The following SNTB1 variants were observed in gnomAD, a reference collection of about 807,000 sequenced individuals.
SNTB1 encodes the protein beta-1-syntrophin.
A neutral mutation model predicts 48.9 loss-of-function variants in SNTB1; 36 were observed. That is an observed-to-expected ratio of 0.74 (90% CI 0.56 to 0.97). SNTB1 has a LOEUF of 0.97. Among genes scored for constraint, SNTB1 ranks in the 50% least tolerant of loss-of-function variants. The pLI is 0.00. For missense variants in SNTB1, 786 were observed against 703.4 expected (o/e 1.12, Z -1.33); for synonymous variants, 299 against 294.6 (o/e 1.01, Z -0.15).
intron 3 of SNTB1, among the ~76,000 whole-genome samples, chr8:120,625,372 C>A (rs373863946): frequency 1.3e-5 from 2 of 152,312 alleles, no homozygotes; most frequent in South Asian, 4.1e-4. Flanking sequence ...TACACACCCC[C>A]CTGTCTTACA....
intron 1 of SNTB1, among the ~76,000 whole-genome samples, chr8:120,694,690 A>T (rs1313692160): frequency 1.3e-5 from 2 of 151,936 alleles, no homozygotes; most frequent in Non-Finnish European, 2.9e-5. Flanking sequence ...CATATACTAT[A>T]ATATCTTTGT....
At chr8:120,725,746 A>G (rs1818742696) in intron 1 of SNTB1, among the ~76,000 whole-genome samples, 1 of 152,184 alleles carries the variant, frequency 6.6e-6, no homozygotes, top group Non-Finnish European at 1.5e-5. Flanking sequence ...AATATTCCTC[A>G]TCGTAACATA....
chr8:120,739,444 CA>C (rs1819006979), intron 1 of SNTB1, among the ~76,000 whole-genome samples: 1 of 151,916 alleles, frequency 6.6e-6, no homozygotes, highest in Non-Finnish European at 1.5e-5. Flanking sequence ...GTGTTTTTGT[CA>C]AAAAAGGGAA....
intron 3 of SNTB1, among the ~76,000 whole-genome samples, chr8:120,599,646 T>C (rs557949125): frequency 2.0e-4 from 30 of 152,346 alleles, no homozygotes; most frequent in African/African-American, 6.5e-4. Context: ...GATTAGCCAA[T>C]TGAACCCTGA....
chr8:120,671,839 G>C (rs1249118303), intron 2 of SNTB1, among the ~76,000 whole-genome samples: 2 of 152,162 alleles, frequency 1.3e-5, no homozygotes, highest in Admixed American at 1.3e-4. Flanking sequence ...GAACCAAGTG[G>C]CCTGGATGTA....
At chr8:120,708,412 A>G (rs1318976594) in intron 1 of SNTB1, among the ~76,000 whole-genome samples, 4 of 152,128 alleles carry the variant, frequency 2.6e-5, no homozygotes, top group Non-Finnish European at 5.9e-5. Flanking sequence ...TAATCAAACT[A>G]TTCCAGAGAC....
At chr8:120,694,874 T>C (rs1363556018) in intron 1 of SNTB1, among the ~76,000 whole-genome samples, 1 of 152,160 alleles carries the variant, frequency 6.6e-6, no homozygotes, top group African/African-American at 2.4e-5. Flanking sequence ...TGTTTAACCA[T>C]ATGTGTGTAT....
chr8:120,566,771 T>C (rs1469312643), intron 4 of SNTB1, among the ~76,000 whole-genome samples: 1 of 152,174 alleles, frequency 6.6e-6, no homozygotes, highest in Admixed American at 6.5e-5. Context: ...TGTTTAACAG[T>C]CCCAGATGGT....
intron 2 of SNTB1, among the ~76,000 whole-genome samples, chr8:120,690,169 ATTG>A (rs1347716997): frequency 6.6e-6 from 1 of 152,128 alleles, no homozygotes; most frequent in Non-Finnish European, 1.5e-5. Context: ...TTTTATTAGT[ATTG>A]TTGTTAATCT....
intron 1 of SNTB1, among the ~76,000 whole-genome samples, chr8:120,733,228 G>C (rs1818882280): frequency 6.6e-6 from 1 of 152,192 alleles, no homozygotes; most frequent in South Asian, 2.1e-4. Context: ...CCTCCTCCTA[G>C]AGTGAGTCAT....
At chr8:120,678,980 G>A (rs1563849572) in intron 2 of SNTB1, among the ~76,000 whole-genome samples, 1 of 152,170 alleles carries the variant, frequency 6.6e-6, no homozygotes, top group Non-Finnish European at 1.5e-5. Flanking sequence ...AACCCCAGCT[G>A]GGCCACTGTT....
At chr8:120,624,224 C>T (rs28690247) in intron 3 of SNTB1, among the ~76,000 whole-genome samples, 3,035 of 152,250 alleles carry the variant, frequency 0.02, 98 homozygotes, top group African/African-American at 0.07. Context: ...AGGCATGAAC[C>T]ACCGCACCTG....
In SNTB1 at chr8:120,574,042, A is replaced by AAAAG. The variant is rs377488795; in HGVS notation, c.1136+1040_1136+1043dup. Among the ~76,000 whole-genome samples the AAAAG allele has an allele frequency of 5.3e-3, 809 of 152,350 alleles. 5 individuals are homozygous for AAAAG. Among genetic ancestry groups the AAAAG allele is most frequent in the African/African-American group, 0.019 (778 of 41,580 alleles). On this transcript the variant is annotated intron_variant, in intron 4 of 6. Coordinates refer to ENST00000517992, the MANE Select transcript of SNTB1 (RefSeq NM_021021.4). ...ATAATTCAATATTATTCAGCCTTAA[A>AAAAG]AAAGAAATTCTCCCATATTTGACAA...
Position 120,722,053 on chromosome 8 carries a change from G to A in SNTB1, c.572-28145C>T, listed in dbSNP as rs373078186. Reference sequence around the variant, plus strand: ...GGTTTCCAGCTTCATCCATGTCCCTGCAAAGGACATGAACTCATCCTTTTT... The same window carrying A: ...GGTTTCCAGCTTCATCCATGTCCCTACAAAGGACATGAACTCATCCTTTTT... On this transcript the variant is annotated intron_variant, in intron 1 of 6. Transcript: ENST00000517992. Among the ~76,000 whole-genome samples, 95 of 152,188 alleles carry A rather than the reference G, an allele frequency of 6.2e-4. 1 individual carries two copies. In the East Asian group the frequency reaches 0.018, roughly 29 times the overall value.
chr8:120,677,879 G>A (rs1817864541), intron 2 of SNTB1, among the ~76,000 whole-genome samples: 1 of 152,108 alleles, frequency 6.6e-6, no homozygotes, highest in Non-Finnish European at 1.5e-5. Context: ...CAACGGATTT[G>A]GTAAAAAATA....
At chr8:120,734,974 TAAG>T (rs903940626) in intron 1 of SNTB1, among the ~76,000 whole-genome samples, 6 of 152,192 alleles carry the variant, frequency 3.9e-5, no homozygotes, top group African/African-American at 1.4e-4. Context: ...TGTGAAGTTC[TAAG>T]AAGGAGAGGA....
intron 1 of SNTB1, among the ~76,000 whole-genome samples, chr8:120,736,236 C>T (rs1818942072): frequency 1.3e-5 from 2 of 152,098 alleles, no homozygotes; most frequent in Middle Eastern, 3.2e-3. Context: ...TCCCTTGACA[C>T]GTGGGGATTA....
At chr8:120,679,256 A>C (rs1817889839) in intron 2 of SNTB1, among the ~76,000 whole-genome samples, 2 of 152,220 alleles carry the variant, frequency 1.3e-5, no homozygotes, top group Admixed American at 1.3e-4. Flanking sequence ...ATACCATTCT[A>C]AAAATTGGCA....
chr8:120,747,288 C>T (rs1282940118), intron 1 of SNTB1, among the ~76,000 whole-genome samples: 1 of 152,080 alleles, frequency 6.6e-6, no homozygotes, highest in African/African-American at 2.4e-5. Flanking sequence ...CATGTTCTCA[C>T]TTATTTATTG....
Sources: allele counts gnomAD v4.1 joint callset (sites outside exome capture counted in the v4.1 genomes callset), GRCh38; gene constraint gnomAD v4.1.1; transcripts MANE v1.5; gene names NCBI Gene and HGNC (gene_info 2026-07-23, HGNC 2026-07-21).